Variants in ARHGEF4 observed in about 807,000 individuals in gnomAD.
The protein encoded by ARHGEF4 is APC-stimulated guanine nucleotide exchange factor 1.
In ARHGEF4, 119 loss-of-function variants were observed where a neutral mutation model predicts 162.0. That is an observed-to-expected ratio of 0.73 (90% CI 0.63 to 0.86). The LOEUF (loss-of-function observed/expected upper bound fraction) is 0.86. Among genes scored for constraint, ARHGEF4 ranks in the 40% least tolerant of loss-of-function variants. ARHGEF4 has a pLI of 0.00. For missense variants in ARHGEF4, 2,488 were observed against 2,456.0 expected, an observed-to-expected ratio of 1.01 and a Z score of -0.28; for synonymous variants, 1,014 against 979.9, an observed-to-expected ratio of 1.03 and a Z score of -0.65.
intron 1 of ARHGEF4, among the ~76,000 whole-genome samples, chr2:130,864,118 G>A (rs1203508639): frequency 3.3e-5 from 5 of 151,838 alleles, no homozygotes; most frequent in South Asian, 4.2e-4. Context: ...CCCGGGAGGC[G>A]GAGCTTGCAG....
rs942266276 is a variant in ARHGEF4 at position 130,916,211 on chromosome 2, C to T, written c.2265C>T (p.Pro755=). The change falls in exon 2 of 14, where the codon CCC becomes CCT. Residue 755 remains proline (P), a synonymous_variant. Transcript: ENST00000409359. ...GGGAGCGTGGCCCGGAGGAGGCCCCCGAAGGCGGTGCTGCAGCAGCCCGGG... is the reference window on the plus strand; with the variant it reads ...GGGAGCGTGGCCCGGAGGAGGCCCCTGAAGGCGGTGCTGCAGCAGCCCGGG... The part of the protein sequence containing the change: ...GSGERGPEEA[P]EGGAAAARGQ... 4 of 1,546,388 alleles carry T rather than the reference C, an allele frequency of 2.6e-6. No homozygotes were observed. The highest frequency in any genetic ancestry group is 2.5e-5 in the East Asian group (1 of 40,782).
At chr2:130,966,110 G>T (rs1479435096) in intron 4 of ARHGEF4, among the ~76,000 whole-genome samples, 1 of 152,128 alleles carries the variant, frequency 6.6e-6, no homozygotes, top group Non-Finnish European at 1.5e-5. Flanking sequence ...GGGGAGTGCT[G>T]GTCAGTAACC....
chr2:130,865,905 G>A (rs1559007435), intron 1 of ARHGEF4, among the ~76,000 whole-genome samples: 2 of 152,172 alleles, frequency 1.3e-5, no homozygotes, highest in Admixed American at 6.5e-5. Flanking sequence ...CAGAGGAGCA[G>A]TAGACTCACA....
intron 1 of ARHGEF4, chr2:130,837,343 G>T (rs577783681): frequency 5.8e-6 from 2 of 342,272 alleles, no homozygotes; most frequent in Non-Finnish European, 5.4e-6. Context: ...GCCTGGACCG[G>T]CCTGGGCGCG....
At chr2:130,913,388 C>T (rs947263643) in intron 1 of ARHGEF4, among the ~76,000 whole-genome samples, 2 of 152,136 alleles carry the variant, frequency 1.3e-5, no homozygotes, top group Admixed American at 6.5e-5. Flanking sequence ...AAATGTGTAA[C>T]GAGAGAAGGA....
intron 1 of ARHGEF4, among the ~76,000 whole-genome samples, chr2:130,865,161 A>G (rs1311495312): frequency 6.6e-6 from 1 of 152,244 alleles, no homozygotes; most frequent in Non-Finnish European, 1.5e-5. Flanking sequence ...AGTAGTCAAA[A>G]CAGGCATCTC....
intron 1 of ARHGEF4, among the ~76,000 whole-genome samples, chr2:130,904,160 C>T (rs1680676690): frequency 6.6e-6 from 1 of 152,176 alleles, no homozygotes; most frequent in Non-Finnish European, 1.5e-5. Context: ...TCCCTTTTCT[C>T]CACAGCCCCA....
In ARHGEF4 at chr2:131,046,065, G is replaced by A. The variant is rs777849725; in HGVS notation, c.5507G>A (p.Arg1836His). Residue 1836 changes from arginine (R) to histidine (H), a missense_variant, in exon 14 of 14, where the codon CGC (arginine) becomes CAC (histidine). Coordinates refer to ENST00000409359, the MANE Select transcript of ARHGEF4 (RefSeq NM_001367493.1). ...GTTGGCCGGCCCTGCTACCTGACGC[G>A]CCAGAAGCACCCAGCCCTGCCCAGC... ...KAVGRPCYLT[R>H]QKHPALPSNR... 1.3e-5 allele frequency: 21 copies of A among 1,612,004 alleles called. No homozygotes were observed. Among genetic ancestry groups the A allele is most frequent in the South Asian group, 4.4e-5 (4 of 90,992 alleles).
intron 1 of ARHGEF4, among the ~76,000 whole-genome samples, chr2:130,902,228 C>T (rs1680525024): frequency 6.6e-6 from 1 of 152,010 alleles, no homozygotes; most frequent in Non-Finnish European, 1.5e-5. Context: ...GCTTTTAACC[C>T]TCCCTCCCTC....
intron 3 of ARHGEF4, among the ~76,000 whole-genome samples, chr2:130,940,357 G>C (rs1211874718): frequency 6.6e-6 from 1 of 151,884 alleles, no homozygotes; most frequent in Non-Finnish European, 1.5e-5. Context: ...CAAATAGAGG[G>C]GATAGCAACA....
Position 130,915,228 on chromosome 2 carries a change from C to T in ARHGEF4, c.1282C>T (p.Gln428Ter). ...TTCTGCAGGTCTCCTGGGGGAAAAC[C>T]AGTTAAGACAGGATTCCAGGTCATG... ...TPSAGLLGEN[Q>*]LRQDSRSCLV... The change falls in exon 2 of 14, where the codon CAG (glutamine) becomes TAG (stop). Residue 428 changes from glutamine (Q) to a stop codon, truncating the protein, a stop_gained. Transcript: ENST00000409359. LOFTEE classifies it high-confidence loss of function. The T allele has an allele frequency of 2.6e-6, 4 of 1,550,578 alleles. No individual in the cohort carries two copies. The highest frequency in any genetic ancestry group is 3.5e-6 in the Non-Finnish European group (4 of 1,147,006).
In ARHGEF4 at chr2:130,913,990, C is replaced by A; in HGVS notation, c.44C>A (p.Pro15Gln). 6.5e-7 allele frequency: 1 copy of A among 1,536,102 alleles called. No individual in the cohort carries two copies. The highest frequency in any genetic ancestry group is 1.2e-5 in the South Asian group (1 of 84,044). ...VHFLRSFFKTPEPGAHLPGEG... is the reference protein window; with the variant it reads ...VHFLRSFFKTQEPGAHLPGEG... ...CCTCTCTTCTTGCCCTCCCAGACTC[C>A]AGAGCCAGGTGCACACCTGCCAGGT... The change falls in exon 2 of 14, where the codon CCA (proline) becomes CAA (glutamine). Residue 15 changes from proline to glutamine, a missense_variant. Transcript: ENST00000409359.
chr2:130,935,165 C>CATTT (rs1553427313), intron 3 of ARHGEF4, among the ~76,000 whole-genome samples: 2 of 35,818 alleles, frequency 5.6e-5, no homozygotes, highest in East Asian at 0.01. Flanking sequence ...TCTATTTATT[C>CATTT]ATTTATTTAT....
At chr2:131,022,536 A>G (rs1689198105) in intron 4 of ARHGEF4, among the ~76,000 whole-genome samples, 1 of 152,134 alleles carries the variant, frequency 6.6e-6, no homozygotes, top group Non-Finnish European at 1.5e-5. Flanking sequence ...ATTTTTTACA[A>G]AGGTACAAAA....
intron 1 of ARHGEF4, among the ~76,000 whole-genome samples, chr2:130,881,668 G>T (rs779164742): frequency 3.9e-5 from 6 of 152,128 alleles, no homozygotes; most frequent in Non-Finnish European, 8.8e-5. Flanking sequence ...TATAGTGAAT[G>T]CTTCGGGAGA....
intron 3 of ARHGEF4, among the ~76,000 whole-genome samples, chr2:130,941,906 G>A (rs1182719981): frequency 2.0e-5 from 3 of 152,050 alleles, no homozygotes; most frequent in African/African-American, 4.8e-5. Context: ...ACAAGCTTAA[G>A]TGACTATTTA....
chr2:130,939,616 G>A (rs1461753071), intron 3 of ARHGEF4, among the ~76,000 whole-genome samples: 4 of 151,874 alleles, frequency 2.6e-5, no homozygotes, highest in African/African-American at 9.7e-5. Flanking sequence ...AGTTTGTCTT[G>A]TCTACAAATG....
At chr2:130,886,495 T>C (rs752733879) in intron 1 of ARHGEF4, among the ~76,000 whole-genome samples, 1 of 151,714 alleles carries the variant, frequency 6.6e-6, no homozygotes, top group African/African-American at 2.4e-5. Flanking sequence ...CTGGCTAACA[T>C]GGTGAAACCC....
intron 4 of ARHGEF4, among the ~76,000 whole-genome samples, chr2:130,988,220 T>A (rs1235057963): frequency 6.6e-6 from 1 of 152,162 alleles, no homozygotes; most frequent in Non-Finnish European, 1.5e-5. Flanking sequence ...GGCAGTCACC[T>A]CCTCCGCAGC....
Sources: allele counts gnomAD v4.1 joint callset (sites outside exome capture counted in the v4.1 genomes callset), GRCh38; gene constraint gnomAD v4.1.1; transcripts MANE v1.5; gene names NCBI Gene and HGNC (gene_info 2026-07-23, HGNC 2026-07-21).